Variants in LDLRAD3 observed in about 807,000 individuals in gnomAD.
The protein encoded by LDLRAD3 is low density lipoprotein receptor class A domain containing 3.
Under a neutral mutation model 29.4 loss-of-function variants are expected in LDLRAD3, and 20 were observed. That is an observed-to-expected ratio of 0.68 (90% CI 0.48 to 0.99). The LOEUF (loss-of-function observed/expected upper bound fraction) is 0.99, where lower values mean the gene tolerates loss of function less well. Among genes scored for constraint, LDLRAD3 ranks in the 50% least tolerant of loss-of-function variants. The probability of loss-of-function intolerance (pLI) is 0.00; values close to 1 mark genes in which losing one functional copy is unlikely to be tolerated. For synonymous variants in LDLRAD3, 157 were observed against 192.7 expected, an observed-to-expected ratio of 0.81 and a Z score of 1.53; for missense variants, 420 against 454.3, an observed-to-expected ratio of 0.92 and a Z score of 0.69.
rs560640805 is a variant in LDLRAD3 at position 36,015,153 on chromosome 11, A to G, written c.47-20950A>G. Among the ~76,000 whole-genome samples, 31 of 152,382 alleles carry G rather than the reference A, an allele frequency of 2.0e-4. No homozygotes were observed. The South Asian group carries it at 2.9e-3, about 14-fold the overall frequency. On this transcript the variant is annotated intron_variant, in intron 1 of 5. Coordinates refer to ENST00000315571, the MANE Select transcript of LDLRAD3 (RefSeq NM_174902.4). ...GCCGAGCTTCAGTAGATGCCACCGC[A>G]GAGCCTTGCGCCAGGTCTGAGAAGT...
At chr11:36,033,865 T>A (rs1347303532) in intron 1 of LDLRAD3, among the ~76,000 whole-genome samples, 2 of 152,194 alleles carry the variant, frequency 1.3e-5, no homozygotes, top group Non-Finnish European at 2.9e-5. Context: ...GATTCTTGGC[T>A]CGGTGGAACA....
At chr11:36,021,983 C>T (rs543960902) in intron 1 of LDLRAD3, among the ~76,000 whole-genome samples, 7 of 152,154 alleles carry the variant, frequency 4.6e-5, no homozygotes, top group Non-Finnish European at 1.0e-4. Context: ...ATGGTCTCAG[C>T]GTTCACCAGG....
chr11:36,174,852 G>A (rs1337893263), intron 4 of LDLRAD3, among the ~76,000 whole-genome samples: 1 of 152,098 alleles, frequency 6.6e-6, no homozygotes, highest in Non-Finnish European at 1.5e-5. Context: ...CGTGGTGGCA[G>A]GTGCCTGTAG....
At chr11:35,979,020 C>A (rs986912489) in intron 1 of LDLRAD3, among the ~76,000 whole-genome samples, 6 of 152,158 alleles carry the variant, frequency 3.9e-5, no homozygotes, top group Non-Finnish European at 7.4e-5. Context: ...CATTTGCTTT[C>A]ATATTTGAGT....
chr11:36,192,785 C>G (rs1315766868), intron 4 of LDLRAD3, among the ~76,000 whole-genome samples: 1 of 152,144 alleles, frequency 6.6e-6, no homozygotes, highest in Non-Finnish European at 1.5e-5. Flanking sequence ...AGACTCCTTT[C>G]CTGAGATGAG....
chr11:36,032,451 C>A (rs905693767), intron 1 of LDLRAD3, among the ~76,000 whole-genome samples: 1 of 152,160 alleles, frequency 6.6e-6, no homozygotes, highest in African/African-American at 2.4e-5. Context: ...ATTTTAAAAT[C>A]TCACTCTGTG....
chr11:35,971,841 A>AG (rs1851416370), intron 1 of LDLRAD3, among the ~76,000 whole-genome samples: 1 of 152,210 alleles, frequency 6.6e-6, no homozygotes, highest in African/African-American at 2.4e-5. Context: ...TGGGAGGAAG[A>AG]GGACAGATTA....
At chr11:36,157,937 A>G (rs1442733609) in intron 4 of LDLRAD3, among the ~76,000 whole-genome samples, 1 of 152,162 alleles carries the variant, frequency 6.6e-6, no homozygotes, top group Non-Finnish European at 1.5e-5. Flanking sequence ...GTAGAAGGTA[A>G]CCTGTTGGTT....
intron 4 of LDLRAD3, among the ~76,000 whole-genome samples, chr11:36,187,966 C>A (rs191134485): frequency 1.3e-5 from 2 of 152,098 alleles, no homozygotes; most frequent in Non-Finnish European, 2.9e-5. Flanking sequence ...CAGTCATTAT[C>A]CTGTTTGATC....
chr11:36,163,534 T>C (rs1222745803), intron 4 of LDLRAD3: 2 of 152,186 alleles, frequency 1.3e-5, no homozygotes, highest in Non-Finnish European at 2.9e-5. Context: ...GTAAGATACC[T>C]ACCAACCATA....
intron 2 of LDLRAD3, among the ~76,000 whole-genome samples, chr11:36,062,878 G>T (rs1312203221): frequency 2.0e-5 from 3 of 152,112 alleles, no homozygotes; most frequent in African/African-American, 7.2e-5. Context: ...ATGTCTTTAG[G>T]TGTATCTTTA....
At chr11:35,978,830 G>C (rs920212286) in intron 1 of LDLRAD3, among the ~76,000 whole-genome samples, 2 of 152,158 alleles carry the variant, frequency 1.3e-5, no homozygotes, top group Non-Finnish European at 2.9e-5. Flanking sequence ...GGAGGAAAGA[G>C]GAGTTATTTT....
chr11:36,185,048 A>G (rs114656993), intron 4 of LDLRAD3, among the ~76,000 whole-genome samples: 3,627 of 152,242 alleles, frequency 0.024, 141 homozygotes, highest in African/African-American at 0.078. Flanking sequence ...TTACTCTAGA[A>G]TTAGGTTTTT....
chr11:36,227,333 G>A lies in LDLRAD3; in HGVS notation c.703G>A (p.Val235Ile), dbSNP rs747761677. Reference protein sequence around the residue: ...HPHHCNVTYNVNNGIQYVASQ... With the variant: ...HPHHCNVTYNINNGIQYVASQ... ...CCACCACTGCAACGTCACCTACAAC[G>A]TCAATAATGGCATCCAGTATGTGGC... The change falls in exon 5 of 6, where the codon GTC (valine) becomes ATC (isoleucine). Residue 235 changes from valine (V) to isoleucine (I), a missense_variant. Physicochemically the swap from Val to Ile is conservative, Grantham distance 29. Transcript: ENST00000315571. The A allele has an allele frequency of 1.3e-5, 21 of 1,614,148 alleles. No homozygotes were observed. The highest frequency in any genetic ancestry group is 1.2e-4 in the South Asian group (11 of 91,060).
chr11:35,958,485 C>T (rs1478897081), intron 1 of LDLRAD3, among the ~76,000 whole-genome samples: 1 of 152,148 alleles, frequency 6.6e-6, no homozygotes, highest in Non-Finnish European at 1.5e-5. Flanking sequence ...CCGTAGTAGT[C>T]CCCACTCACT....
chr11:36,098,185 C>T (rs113810169), intron 3 of LDLRAD3, 142 bp from the exon 4 acceptor site: 28 of 1,000,936 alleles, frequency 2.8e-5, no homozygotes, highest in African/African-American at 1.1e-4. Context: ...GCCAGCCTTA[C>T]AGCATGGGCT....
intron 2 of LDLRAD3, among the ~76,000 whole-genome samples, chr11:36,069,701 A>G (rs930028568): frequency 2.0e-5 from 3 of 151,826 alleles, no homozygotes; most frequent in African/African-American, 7.3e-5. Context: ...GCTTGTTCAT[A>G]CTGACCTCCT....
intron 4 of LDLRAD3, among the ~76,000 whole-genome samples, chr11:36,204,985 C>T (rs1855185464): frequency 6.6e-6 from 1 of 152,176 alleles, no homozygotes; most frequent in East Asian, 1.9e-4. Context: ...TGCCCCCGCC[C>T]TAATGCACAG....
chr11:36,105,052 C>G (rs533803571), intron 4 of LDLRAD3, among the ~76,000 whole-genome samples: 2 of 152,092 alleles, frequency 1.3e-5, no homozygotes, highest in Non-Finnish European at 2.9e-5. Context: ...CCACCAATGC[C>G]GGGAGAGTTA....
Sources: allele counts gnomAD v4.1 joint callset (sites outside exome capture counted in the v4.1 genomes callset), GRCh38; gene constraint gnomAD v4.1.1; transcripts MANE v1.5; gene names NCBI Gene and HGNC (gene_info 2026-07-23, HGNC 2026-07-21).